The following DLG5 variants were observed in gnomAD, a reference collection of about 807,000 sequenced individuals.
DLG5 encodes discs large MAGUK scaffold protein 5, also known as disks large homolog 5.
Under a neutral mutation model 189.8 loss-of-function variants are expected in DLG5, and 48 were observed. The ratio of observed to expected loss-of-function variants is 0.25; its 90% CI spans 0.20 to 0.32. DLG5 has a LOEUF of 0.32. Ranked by LOEUF, DLG5 falls within the 10% of genes least tolerant of loss-of-function variation. DLG5 has a pLI of 1.00. For synonymous variants in DLG5, 1,016 were observed against 1,054.1 expected (o/e 0.96, Z 0.70); for missense variants, 2,160 against 2,544.7 (o/e 0.85, Z 3.25).
chr10:77,796,427 C>A lies in DLG5; in HGVS notation c.5308+24G>T, dbSNP rs1284856085. The A allele has an allele frequency of 2.5e-6, 4 of 1,614,148 alleles. No individual in the cohort carries two copies. Among genetic ancestry groups the A allele is most frequent in the Non-Finnish European group, 3.4e-6 (4 of 1,180,010 alleles). On this transcript the variant is annotated intron_variant, in intron 28 of 31. Transcript: ENST00000372391. This position sits in a 1 kb window ranked among gnomAD's most constrained non-coding sequence, Gnocchi z 5.2. ...ATAGAGACAAAGAGCCCAGTAGGCA[C>A]AGAGGGTGCCCCGTGCCCCTTACCA...
chr10:77,922,748 T>A (rs557097923), intron 1 of DLG5, among the ~76,000 whole-genome samples: 14 of 152,076 alleles, frequency 9.2e-5, no homozygotes, highest in African/African-American at 3.1e-4. Context: ...GATATGAAGA[T>A]AGGACACAAA....
intron 1 of DLG5, among the ~76,000 whole-genome samples, chr10:77,879,027 T>C (rs1013506843): frequency 2.6e-5 from 4 of 152,162 alleles, no homozygotes; most frequent in Non-Finnish European, 5.9e-5. Context: ...CCTGCCCTCA[T>C]GGAGCTCACA....
chr10:77,806,268 C>T (rs1220621827), intron 26 of DLG5: 6 of 241,322 alleles, frequency 2.5e-5, no homozygotes, highest in Non-Finnish European at 4.8e-5. Flanking sequence ...CAATCCCAAC[C>T]ACACAGAAGT....
At chr10:77,850,387 G>T (rs1843908542) in intron 5 of DLG5, among the ~76,000 whole-genome samples, 1 of 152,166 alleles carries the variant, frequency 6.6e-6, no homozygotes, top group Non-Finnish European at 1.5e-5. Flanking sequence ...TGCATTCCTT[G>T]TTATGCTGAA....
chr10:77,922,654 C>T (rs1328545296), intron 1 of DLG5, among the ~76,000 whole-genome samples: 1 of 152,136 alleles, frequency 6.6e-6, no homozygotes, highest in East Asian at 1.9e-4. Context: ...TTCTGCCCTG[C>T]GACTTCTTCC....
In DLG5 at chr10:77,811,916, G is replaced by A. The variant is rs755623218; in HGVS notation, c.4322+8C>T. On this transcript the variant is annotated splice_region_variant and intron_variant, in intron 22 of 31. Coordinates refer to ENST00000372391, the MANE Select transcript of DLG5 (RefSeq NM_004747.4). Reference sequence around the variant, plus strand: ...CAGCCCAGACGGCCCTGGGAGGCCCGCACTCACCTGGACCGGGAGTGGCTG... The same window carrying A: ...CAGCCCAGACGGCCCTGGGAGGCCCACACTCACCTGGACCGGGAGTGGCTG... 1.1e-5 allele frequency: 17 copies of A among 1,602,304 alleles called. No individual in the cohort carries two copies. Among genetic ancestry groups the A allele is most frequent in the South Asian group, 6.6e-5 (6 of 90,842 alleles).
At chr10:77,846,106 G>A (rs1487508525) in intron 5 of DLG5, among the ~76,000 whole-genome samples, 2 of 152,148 alleles carry the variant, frequency 1.3e-5, no homozygotes, top group Admixed American at 6.5e-5. Flanking sequence ...TTAGCTGGGC[G>A]TGGTGGCGGG....
chr10:77,795,105 T>C, intron 29 of DLG5, 147 bp from the exon 30 acceptor site: 1 of 616,500 alleles, frequency 1.6e-6, no homozygotes, highest in South Asian at 2.1e-5. Context: ...GGGGAAACCA[T>C]ACCCACGAAA....
intron 1 of DLG5, among the ~76,000 whole-genome samples, chr10:77,918,990 C>G (rs1431780247): frequency 6.6e-6 from 1 of 151,994 alleles, no homozygotes; most frequent in East Asian, 1.9e-4. Flanking sequence ...CTGAGGTAGG[C>G]GGATCACCTG....
At chr10:77,810,932 G>A (rs929075657) in intron 23 of DLG5, among the ~76,000 whole-genome samples, 162 bp downstream of exon 23, 1 of 152,212 alleles carries the variant, frequency 6.6e-6, no homozygotes, top group African/African-American at 2.4e-5. Context: ...GAGTAGGGAA[G>A]GAAAAAAGGA....
At chr10:77,929,930 G>A (rs1418365145), upstream of DLG5, 3 of 152,274 alleles carry the variant, frequency 2.0e-5, no homozygotes, top group Non-Finnish European at 4.4e-5. Flanking sequence ...GAAGGACAAA[G>A]ACGGGGGTCC....
chr10:77,837,244 G>A (rs527397785), intron 7 of DLG5, among the ~76,000 whole-genome samples: 135 of 142,492 alleles, frequency 9.5e-4, no homozygotes, highest in Non-Finnish European at 1.6e-3. Context: ...AAAAAAAAGT[G>A]TATTAATTTA....
rs1298791990 is a variant in DLG5, at chr10:77,833,999, C to T, written c.1663G>A (p.Val555Met). Residue 555 changes from valine (V) to methionine (M), a missense_variant, in exon 9 of 32, where the codon GTG (valine) becomes ATG (methionine). Physicochemically the swap from Val to Met is conservative, Grantham distance 21. Coordinates refer to ENST00000372391, the MANE Select transcript of DLG5 (RefSeq NM_004747.4). ...CGCAGGGCCTCAGCCAGCTCGCTCA[C>T]CGCACGGTCCCGCTCCCGCCTCAGG... ...DNLRRERDRA[V>M]SELAEALRSL... 6.2e-7 allele frequency: 1 copy of T among 1,609,036 alleles called. No homozygotes were observed. Among genetic ancestry groups the T allele is most frequent in the South Asian group, 1.1e-5 (1 of 91,066 alleles).
intron 1 of DLG5, among the ~76,000 whole-genome samples, chr10:77,895,732 G>C (rs1024393136): frequency 1.3e-5 from 2 of 152,160 alleles, no homozygotes; most frequent in Non-Finnish European, 2.9e-5. Context: ...AGCGTAGGCT[G>C]GGCGCGGTGG....
upstream of DLG5, chr10:77,926,988 C>T (rs1322487826): frequency 8.1e-6 from 3 of 371,166 alleles, no homozygotes; most frequent in Admixed American, 9.1e-5. This position sits in a 1 kb window ranked among gnomAD's most constrained non-coding sequence, Gnocchi z 5.2. Context: ...TTCCCAGGCT[C>T]CCGACAGCTC....
At chr10:77,913,136 TATTTC>T (rs1465209456) in intron 1 of DLG5, among the ~76,000 whole-genome samples, 2 of 152,244 alleles carry the variant, frequency 1.3e-5, no homozygotes, top group African/African-American at 4.8e-5. Context: ...TTGTACGTGT[TATTTC>T]ATTTAATTGT....
chr10:77,883,241 T>C (rs1845336553), intron 1 of DLG5, among the ~76,000 whole-genome samples: 1 of 152,126 alleles, frequency 6.6e-6, no homozygotes. Flanking sequence ...CCTTAACTAC[T>C]GGTCATGGGG....
At chr10:77,869,345 G>A (rs41274596) in intron 1 of DLG5, 148 bp from the exon 2 acceptor site, 16,932 of 698,528 alleles carry the variant, frequency 0.024, 267 homozygotes, top group Non-Finnish European at 0.029. Flanking sequence ...CAGAGGAGGC[G>A]CGCTCAGCAG....
intron 8 of DLG5, 49 bp downstream of exon 8, chr10:77,835,689 C>T (rs774056325): frequency 4.4e-5 from 68 of 1,554,278 alleles, no homozygotes; most frequent in Non-Finnish European, 5.5e-5. Context: ...AGCAGGTCCC[C>T]TCATCCTGGG....
Sources: allele counts gnomAD v4.1 joint callset (sites outside exome capture counted in the v4.1 genomes callset), GRCh38; gene constraint gnomAD v4.1.1; non-coding constraint Gnocchi (gnomAD v3.1); transcripts MANE v1.5; gene names NCBI Gene and HGNC (gene_info 2026-07-23, HGNC 2026-07-21).